The following CADM2 variants were observed in gnomAD, a reference collection of about 807,000 sequenced individuals.
CADM2 encodes the protein cell adhesion molecule 2.
A neutral mutation model predicts 49.8 loss-of-function variants in CADM2; 12 were observed. That is an observed-to-expected ratio of 0.24 (90% CI 0.15 to 0.39). CADM2 has a LOEUF of 0.39. CADM2 is among the 10% of genes least tolerant of loss of function. CADM2 has a pLI of 1.00. For synonymous variants in CADM2, 214 were observed against 175.4 expected, an observed-to-expected ratio of 1.22 and a Z score of -1.74; for missense variants, 378 against 492.3, an observed-to-expected ratio of 0.77 and a Z score of 2.20.
intron 1 of CADM2, among the ~76,000 whole-genome samples, chr3:85,438,945 C>T (rs1363117014): frequency 6.6e-6 from 1 of 151,752 alleles, no homozygotes; most frequent in Non-Finnish European, 1.5e-5. Context: ...GCCTCGGCCT[C>T]CCAAAGTGCT....
rs77817036 is a variant in CADM2, at chr3:85,514,225, C to T, written c.62-212297C>T. Among the ~76,000 whole-genome samples, 14 of 152,086 alleles carry T rather than the reference C, an allele frequency of 9.2e-5. No individual in the cohort carries two copies. In the East Asian group the frequency reaches 2.7e-3, roughly 29 times the overall value. Reference sequence around the variant, plus strand: ...TGTTCGTCATTGTATTTTAAACCTGCCACATTACACAAAGAGTTGTAATGA... The same window carrying T: ...TGTTCGTCATTGTATTTTAAACCTGTCACATTACACAAAGAGTTGTAATGA... On this transcript the variant is annotated intron_variant, in intron 1 of 9. Transcript: ENST00000383699.
intron 1 of CADM2, among the ~76,000 whole-genome samples, chr3:85,215,111 G>T (rs2041887983): frequency 6.6e-6 from 1 of 152,060 alleles, no homozygotes; most frequent in Admixed American, 6.5e-5. Context: ...CAAGGCCCAT[G>T]GGGAGTAATG....
chr3:85,251,437 C>T (rs1316187884), intron 1 of CADM2, among the ~76,000 whole-genome samples: 1 of 151,502 alleles, frequency 6.6e-6, no homozygotes, highest in Non-Finnish European at 1.5e-5. Context: ...ACCATGTAGA[C>T]AAAAAAGAGA....
At chr3:85,169,004 G>A (rs2040548086) in intron 1 of CADM2, among the ~76,000 whole-genome samples, 2 of 152,024 alleles carry the variant, frequency 1.3e-5, no homozygotes, top group Non-Finnish European at 2.9e-5. Context: ...CCCAGGCACA[G>A]TGCAATGGTG....
chr3:85,290,026 G>A (rs1269542188), intron 1 of CADM2, among the ~76,000 whole-genome samples: 1 of 152,160 alleles, frequency 6.6e-6, no homozygotes, highest in Non-Finnish European at 1.5e-5. Context: ...TCCATCTGAG[G>A]TACTGGTTTC....
chr3:85,288,706 A>G (rs2043696526), intron 1 of CADM2, among the ~76,000 whole-genome samples: 1 of 150,244 alleles, frequency 6.7e-6, no homozygotes, highest in African/African-American at 2.4e-5. Context: ...TGAGTGTTGC[A>G]GTGTTGGTGT....
chr3:85,946,476 A>G (rs1260894934), intron 7 of CADM2, among the ~76,000 whole-genome samples: 1 of 152,170 alleles, frequency 6.6e-6, no homozygotes, highest in African/African-American at 2.4e-5. Flanking sequence ...CGCCAAGTCA[A>G]GCCAAAAGAA....
chr3:85,251,051 T>C (rs2042761114), intron 1 of CADM2, among the ~76,000 whole-genome samples: 2 of 151,820 alleles, frequency 1.3e-5, no homozygotes, highest in Admixed American at 1.3e-4. Flanking sequence ...TTTTGGCATT[T>C]AATTCTTTAA....
intron 3 of CADM2, among the ~76,000 whole-genome samples, chr3:85,866,535 T>C (rs1401855002): frequency 6.6e-6 from 1 of 152,214 alleles, no homozygotes; most frequent in Non-Finnish European, 1.5e-5. Flanking sequence ...AATTATCACC[T>C]ACGTATTTTA....
At chr3:85,714,708 G>A (rs952466536) in intron 1 of CADM2, among the ~76,000 whole-genome samples, 1 of 152,088 alleles carries the variant, frequency 6.6e-6, no homozygotes, top group Non-Finnish European at 1.5e-5. Flanking sequence ...GGGATTACAC[G>A]TGTGAGCCAC....
chr3:85,873,025 C>T (rs1163936360), intron 3 of CADM2, among the ~76,000 whole-genome samples: 2 of 152,056 alleles, frequency 1.3e-5, no homozygotes, highest in Non-Finnish European at 2.9e-5. Context: ...AGTGTAAGAA[C>T]ATGGTGCTGG....
intron 1 of CADM2, among the ~76,000 whole-genome samples, chr3:85,290,108 G>A (rs2043744800): frequency 6.6e-6 from 1 of 152,152 alleles, no homozygotes; most frequent in African/African-American, 2.4e-5. Flanking sequence ...CCGAAGCAGG[G>A]TGAGGCATTG....
At chr3:85,538,770 C>T (rs957284792) in intron 1 of CADM2, among the ~76,000 whole-genome samples, 1 of 151,980 alleles carries the variant, frequency 6.6e-6, no homozygotes, top group African/African-American at 2.4e-5. Context: ...TTCTGATGTA[C>T]TTGGGTTTCT....
chr3:85,425,622 A>C (rs2036364715), intron 1 of CADM2, among the ~76,000 whole-genome samples: 1 of 152,170 alleles, frequency 6.6e-6, no homozygotes, highest in South Asian at 2.1e-4. Flanking sequence ...CTATAATTTT[A>C]TATCCATTAA....
intron 1 of CADM2, among the ~76,000 whole-genome samples, chr3:85,401,478 G>T (rs1483123743): frequency 1.3e-5 from 2 of 152,144 alleles, no homozygotes; most frequent in Admixed American, 6.6e-5. Flanking sequence ...TGGTTGGCAT[G>T]TGGTGAAGAT....
intron 1 of CADM2, among the ~76,000 whole-genome samples, chr3:85,420,744 G>T (rs2036133181): frequency 2.0e-5 from 3 of 152,210 alleles, no homozygotes; most frequent in Middle Eastern, 3.4e-3. Flanking sequence ...AAACATAAAA[G>T]ATAATATTAA....
At position 85,880,597 on chromosome 3, in the gene CADM2, A is replaced by T. The variant is rs182751810; in HGVS notation, c.239-2694A>T. 1.8e-3 allele frequency among the ~76,000 whole-genome samples: 277 copies of T among 152,328 alleles called. 2 individuals carry two copies. Among genetic ancestry groups the T allele is most frequent in the Non-Finnish European group, 2.5e-3 (168 of 68,032 alleles). On this transcript the variant is annotated intron_variant, in intron 3 of 9. Coordinates refer to ENST00000383699, the MANE Select transcript of CADM2 (RefSeq NM_001167675.2). The stretch of plus-strand genomic sequence containing the variant: ...AAATCATAGTTGATAGTTCTTTTTC[A>T]GAAGTTGAAAAATGCACCACTTCCT...
chr3:85,349,002 T>C (rs1326635367), intron 1 of CADM2, among the ~76,000 whole-genome samples: 2 of 152,196 alleles, frequency 1.3e-5, no homozygotes, highest in African/African-American at 4.8e-5. Context: ...ACGTGAGTCA[T>C]TCAGTATCCT....
chr3:85,197,380 A>AT (rs1465973060), intron 1 of CADM2, among the ~76,000 whole-genome samples: 2 of 151,938 alleles, frequency 1.3e-5, no homozygotes, highest in Non-Finnish European at 2.9e-5. Context: ...TATACACTTT[A>AT]TTTTTTCAAC....
Sources: gnomAD v4.1 joint callset for allele counts (sites outside exome capture counted in the v4.1 genomes callset) on GRCh38, gnomAD v4.1.1 for gene constraint, MANE v1.5 for transcripts, NCBI Gene and HGNC (gene_info 2026-07-23, HGNC 2026-07-21) for gene names.